The following TOPAZ1 variants were observed in gnomAD, a reference collection of about 807,000 sequenced individuals.
TOPAZ1 encodes protein TOPAZ1.
Under a neutral mutation model 172.2 loss-of-function variants are expected in TOPAZ1, and 66 were observed. The observed-to-expected ratio is 0.38, with a 90% CI of 0.31 to 0.47. The LOEUF (loss-of-function observed/expected upper bound fraction) is 0.47. Among genes scored for constraint, TOPAZ1 ranks in the 20% least tolerant of loss-of-function variants. The probability of loss-of-function intolerance (pLI) is 0.99; values close to 1 mark genes in which losing one functional copy is unlikely to be tolerated. For synonymous variants in TOPAZ1, 681 were observed against 683.9 expected (o/e 1.00, Z 0.07); for missense variants, 1,822 against 1,972.4 (o/e 0.92, Z 1.44).
chr3:44,309,025 T>A (rs1033845625), intron 15 of TOPAZ1, among the ~76,000 whole-genome samples: 1 of 152,162 alleles, frequency 6.6e-6, no homozygotes, highest in Non-Finnish European at 1.5e-5. Context: ...TTTCACATTT[T>A]TAAAGAGTTA....
intron 2 of TOPAZ1, among the ~76,000 whole-genome samples, chr3:44,245,828 C>T (rs530922485): frequency 2.1e-4 from 32 of 152,168 alleles, no homozygotes; most frequent in Non-Finnish European, 2.8e-4. Context: ...CGTGAGCCAC[C>T]GCACCCAGCC....
At chr3:44,265,782 T>C (rs924695963) in intron 5 of TOPAZ1, among the ~76,000 whole-genome samples, 1 of 152,166 alleles carries the variant, frequency 6.6e-6, no homozygotes, top group Non-Finnish European at 1.5e-5. Context: ...AAAGAATAGA[T>C]TTAGCATAAT....
intron 12 of TOPAZ1, among the ~76,000 whole-genome samples, chr3:44,302,047 T>G (rs1353714299): frequency 2.0e-5 from 3 of 152,184 alleles, no homozygotes; most frequent in Non-Finnish European, 4.4e-5. Context: ...CTCTTAGGTA[T>G]GTTATGTGAA....
intron 16 of TOPAZ1, among the ~76,000 whole-genome samples, chr3:44,316,091 A>T (rs1559547497): frequency 6.6e-6 from 1 of 151,486 alleles, no homozygotes; most frequent in Admixed American, 6.6e-5. Flanking sequence ...AAAAAAAAAA[A>T]TTTAATTAGC....
chr3:44,254,606 A>G (rs1487562010), intron 2 of TOPAZ1, among the ~76,000 whole-genome samples: 1 of 138,252 alleles, frequency 7.2e-6, no homozygotes, highest in Non-Finnish European at 1.5e-5. Context: ...CAGCCTGGGC[A>G]ACAAGAGCGA....
At chr3:44,324,143 G>C (rs1304331649) in intron 18 of TOPAZ1, among the ~76,000 whole-genome samples, 1 of 152,162 alleles carries the variant, frequency 6.6e-6, no homozygotes, top group African/African-American at 2.4e-5. Context: ...GAAAATACTA[G>C]GGTACATTAC....
At chr3:44,313,690 A>G (rs1304167359) in intron 16 of TOPAZ1, among the ~76,000 whole-genome samples, 1 of 151,778 alleles carries the variant, frequency 6.6e-6, no homozygotes, top group East Asian at 1.9e-4. Context: ...TATAGCTTCT[A>G]TACAAACATG....
chr3:44,277,853 C>G (rs1400916451), intron 8 of TOPAZ1, among the ~76,000 whole-genome samples: 1 of 152,224 alleles, frequency 6.6e-6, no homozygotes, highest in Non-Finnish European at 1.5e-5. Flanking sequence ...TCCACCTTCA[C>G]CTTCTGCCAT....
intron 6 of TOPAZ1, 44 bp downstream of exon 6, chr3:44,267,180 T>C (rs1699839663): frequency 4.3e-6 from 6 of 1,408,120 alleles, no homozygotes; most frequent in Non-Finnish European, 5.6e-6. Context: ...CTTTTGGTGA[T>C]ATAGAAACTA....
chr3:44,250,879 C>T (rs1235124765), intron 2 of TOPAZ1, among the ~76,000 whole-genome samples: 1 of 152,136 alleles, frequency 6.6e-6, no homozygotes, highest in Non-Finnish European at 1.5e-5. Context: ...CGTGATTGAA[C>T]ATTTGTAATA....
Position 44,243,467 on chromosome 3 carries a change from A to G in TOPAZ1, c.961A>G (p.Ile321Val). 1.9e-6 allele frequency: 3 copies of G among 1,551,754 alleles called. No individual in the cohort carries two copies. In the East Asian group the frequency reaches 7.3e-5, roughly 38 times the overall value. ...TCAACATGAAAAAAATAAATATTCA[A>G]TAGAGGAGAGCAGTGTTGGGCGAAA... ...CLQHEKNKYSIEESSVGRKPR... is the reference protein window; with the variant it reads ...CLQHEKNKYSVEESSVGRKPR... The change falls in exon 2 of 20, where the codon ATA becomes GTA. Residue 321 changes from isoleucine to valine, a missense_variant. Around this residue, in one of 2 missense-constraint regions of TOPAZ1, gnomAD observed 1,489 missense variants for 1,490.8 expected, o/e 1.00. Coordinates refer to ENST00000309765, the MANE Select transcript of TOPAZ1 (RefSeq NM_001145030.2).
In TOPAZ1 at chr3:44,321,105, C is replaced by G. The variant is rs1327844920; in HGVS notation, c.4385C>G (p.Thr1462Arg). The G allele has an allele frequency of 6.4e-7, 1 of 1,550,470 alleles. No homozygotes were observed. ...CTTAATCGACATAATTTACTCTGTA[C>G]AATTGCACATGAAATCTTAGCCAAG... ...DVLNRHNLLC[T>R]IAHEILAKSL... is the part of the protein sequence containing the mutation. The change falls in exon 17 of 20, where the codon ACA becomes AGA. Residue 1462 changes from threonine to arginine, a missense_variant. Around this residue, in one of 2 missense-constraint regions of TOPAZ1, gnomAD observed 333 missense variants for 481.7 expected, o/e 0.69. Coordinates refer to ENST00000309765, the MANE Select transcript of TOPAZ1 (RefSeq NM_001145030.2).
intron 16 of TOPAZ1, among the ~76,000 whole-genome samples, chr3:44,317,374 T>C (rs2125703694): frequency 6.6e-6 from 1 of 152,210 alleles, no homozygotes; most frequent in East Asian, 1.9e-4. Context: ...TGAGCCAAGA[T>C]CGCGGCACTG....
chr3:44,321,888 G>A (rs1700540571), intron 17 of TOPAZ1, among the ~76,000 whole-genome samples: 1 of 152,172 alleles, frequency 6.6e-6, no homozygotes, highest in South Asian at 2.1e-4. Context: ...CCCAATGGCT[G>A]CTATCTAGCA....
At chr3:44,263,812 G>C (rs895723933) in intron 5 of TOPAZ1, among the ~76,000 whole-genome samples, 2 of 152,152 alleles carry the variant, frequency 1.3e-5, no homozygotes, top group Non-Finnish European at 1.5e-5. Context: ...CAGCTCTGAA[G>C]TACTTCTCTC....
In TOPAZ1 at chr3:44,328,289, A is replaced by G. The variant is rs2125707177; in HGVS notation, c.4715A>G (p.Asn1572Ser). 6.6e-7 allele frequency: 1 copy of G among 1,512,082 alleles called. No individual in the cohort carries two copies. Among genetic ancestry groups the G allele is most frequent in the East Asian group, 2.7e-5 (1 of 37,708 alleles). The allele number at this position is 1,512,082 out of a possible 1,614,324, so 93.7% of individuals were successfully genotyped here. A position where few individuals can be genotyped will look rare whatever the true frequency, so the allele number is the denominator to read the frequency against. ...SLGCYPPLEGNLYRKLLLIPS... is the reference protein window; with the variant it reads ...SLGCYPPLEGSLYRKLLLIPS... ...GGTTGCTACCCACCATTGGAAGGAA[A>G]TTTATACCGAAAACTTCTTCTAATT... is the stretch of plus-strand genomic sequence containing the variant. Residue 1572 changes from asparagine (N) to serine (S), a missense_variant, in exon 19 of 20, where the codon AAT (asparagine) becomes AGT (serine). By Grantham distance (46) the Asn-to-Ser change is conservative. Around this residue, in one of 2 missense-constraint regions of TOPAZ1, gnomAD observed 333 missense variants for 481.7 expected, o/e 0.69. Transcript: ENST00000309765.
Position 44,290,899 on chromosome 3 carries a change from A to G in TOPAZ1, c.3797+13A>G, listed in dbSNP as rs1174043185. On this transcript the variant is annotated intron_variant, in intron 12 of 19. Transcript: ENST00000309765. ...AAATGAAATCGAGGTGAGAAAAATC[A>G]TTATTATTTAAGCCAAAATATATGT... is the stretch of plus-strand genomic sequence containing the variant. 6.6e-7 allele frequency: 1 copy of G among 1,508,352 alleles called. No homozygotes were observed. Among genetic ancestry groups the G allele is most frequent in the Non-Finnish European group, 9.0e-7 (1 of 1,114,576 alleles). The allele number at this position is 1,508,352 out of a possible 1,614,324, so 93.4% of individuals were successfully genotyped here. A position where few individuals can be genotyped will look rare whatever the true frequency, so the allele number is the denominator to read the frequency against.
intron 12 of TOPAZ1, among the ~76,000 whole-genome samples, chr3:44,298,501 AC>A (rs1205034017): frequency 2.0e-5 from 3 of 152,088 alleles, no homozygotes; most frequent in African/African-American, 7.2e-5. Context: ...GATTCACTCT[AC>A]TTAATGTTAA....
intron 2 of TOPAZ1, among the ~76,000 whole-genome samples, chr3:44,252,133 A>G (rs1186660439): frequency 2.0e-5 from 3 of 152,182 alleles, no homozygotes; most frequent in Non-Finnish European, 1.5e-5. Flanking sequence ...TATTATAAAT[A>G]CTATCTTAAT....
Sources: allele counts gnomAD v4.1 joint callset (sites outside exome capture counted in the v4.1 genomes callset), GRCh38; gene constraint gnomAD v4.1.1; regional missense constraint gnomAD v4.1.1; transcripts MANE v1.5; gene names NCBI Gene and HGNC (gene_info 2026-07-23, HGNC 2026-07-21).